Variants in NDUFS4 observed in about 807,000 individuals in gnomAD.
The protein encoded by NDUFS4 is NADH:ubiquinone oxidoreductase subunit S4, also known as NADH dehydrogenase [ubiquinone] iron-sulfur protein 4, mitochondrial.
In NDUFS4, 28 loss-of-function variants were observed where a neutral mutation model predicts 24.3. That is an observed-to-expected ratio of 1.15 (90% confidence interval 0.85 to 1.58). The LOEUF is 1.58. NDUFS4 is among the 40% of genes most tolerant of loss of function. The pLI is 0.00. For synonymous variants in NDUFS4, 93 were observed against 69.7 expected (o/e 1.34, Z -1.67); for missense variants, 223 against 207.9 (o/e 1.07, Z -0.45).
chr5:53,654,498 G>T (rs565472887), intron 3 of NDUFS4, among the ~76,000 whole-genome samples: 41 of 151,968 alleles, frequency 2.7e-4, no homozygotes, highest in Non-Finnish European at 5.2e-4. Flanking sequence ...TAACAAAAGT[G>T]TTTATTAAAA....
intron 2 of NDUFS4, among the ~76,000 whole-genome samples, chr5:53,628,413 A>T (rs905363188): frequency 3.0e-4 from 45 of 152,130 alleles, no homozygotes; most frequent in Admixed American, 7.9e-4. Context: ...GTTAAGGAGG[A>T]GTCCCTCATT....
chr5:53,633,883 T>G (rs898413979), intron 2 of NDUFS4, among the ~76,000 whole-genome samples: 1 of 152,204 alleles, frequency 6.6e-6, no homozygotes, highest in African/African-American at 2.4e-5. Context: ...ACTTCACATT[T>G]ACAAAACTGA....
chr5:53,640,046 T>TTTTGTTTG (rs1479282383), intron 2 of NDUFS4, among the ~76,000 whole-genome samples: 6 of 152,116 alleles, frequency 3.9e-5, no homozygotes, highest in Non-Finnish European at 7.4e-5. Context: ...AGAGTCCATC[T>TTTTGTTTG]AAGTGAACAA....
intron 1 of NDUFS4, among the ~76,000 whole-genome samples, chr5:53,590,711 G>C (rs1439771466): frequency 1.3e-5 from 2 of 152,010 alleles, no homozygotes; most frequent in Non-Finnish European, 2.9e-5. Flanking sequence ...TGTCTTTATT[G>C]GTGTTGTAAA....
chr5:53,600,400 C>T (rs948923992), intron 1 of NDUFS4, among the ~76,000 whole-genome samples: 5 of 151,980 alleles, frequency 3.3e-5, no homozygotes, highest in African/African-American at 1.2e-4. Flanking sequence ...ACCTCTGCCT[C>T]CAGGTTCAAG....
At chr5:53,571,230 AC>A (rs888935902) in intron 1 of NDUFS4, among the ~76,000 whole-genome samples, 1 of 152,176 alleles carries the variant, frequency 6.6e-6, no homozygotes, top group Non-Finnish European at 1.5e-5. Context: ...ATAACGACTA[AC>A]CTTCTTTTTG....
At chr5:53,585,694 A>G (rs1749728367) in intron 1 of NDUFS4, among the ~76,000 whole-genome samples, 1 of 151,914 alleles carries the variant, frequency 6.6e-6, no homozygotes. Context: ...GTGAGCCGAG[A>G]TCGCGCCATT....
intron 4 of NDUFS4, among the ~76,000 whole-genome samples, chr5:53,662,891 G>A (rs1006421707): frequency 6.6e-6 from 1 of 151,976 alleles, no homozygotes; most frequent in Non-Finnish European, 1.5e-5. Context: ...TCTTGCTTCT[G>A]TAGTTCTTTT....
At chr5:53,566,766 C>G (rs777105531) in intron 1 of NDUFS4, among the ~76,000 whole-genome samples, 4 of 151,800 alleles carry the variant, frequency 2.6e-5, no homozygotes, top group African/African-American at 7.3e-5. Flanking sequence ...AACTGTTATC[C>G]TGTATTCTTT....
chr5:53,636,797 A>G (rs975723220), intron 2 of NDUFS4, among the ~76,000 whole-genome samples: 8 of 152,062 alleles, frequency 5.3e-5, no homozygotes. Flanking sequence ...TAAATGAGTT[A>G]TCATGAGATC....
intron 4 of NDUFS4, among the ~76,000 whole-genome samples, chr5:53,677,361 T>A (rs1465033092): frequency 1.3e-5 from 2 of 152,072 alleles, no homozygotes; most frequent in Non-Finnish European, 2.9e-5. Context: ...GTGCCTCATG[T>A]TTTCACCTTA....
intron 2 of NDUFS4, among the ~76,000 whole-genome samples, chr5:53,605,668 C>CA (rs1750475326): frequency 6.6e-6 from 1 of 152,128 alleles, no homozygotes; most frequent in Admixed American, 6.5e-5. Context: ...CCTCAAGTAC[C>CA]AAAATCCGTG....
chr5:53,659,871 A>G (rs1752278295), intron 4 of NDUFS4, among the ~76,000 whole-genome samples: 2 of 152,148 alleles, frequency 1.3e-5, no homozygotes, highest in African/African-American at 4.8e-5. Flanking sequence ...GTATGACTTT[A>G]TACTTCTATT....
In NDUFS4 at chr5:53,679,239, A is replaced by G. The variant is rs78502889; in HGVS notation, c.425-3879A>G. 9.2e-3 allele frequency among the ~76,000 whole-genome samples: 1,405 copies of G among 152,162 alleles called. 16 individuals are homozygous for G. The highest frequency in any genetic ancestry group is 0.032 in the African/African-American group (1,332 of 41,528). ...AGTTGTTTGCCACAGAAAAACGGGAAGATAATAAATTTTTTTTCCCTACAC... is the reference window on the plus strand; with the variant it reads ...AGTTGTTTGCCACAGAAAAACGGGAGGATAATAAATTTTTTTTCCCTACAC... On this transcript the variant is annotated intron_variant, in intron 4 of 4. Coordinates refer to ENST00000296684, the MANE Select transcript of NDUFS4 (RefSeq NM_002495.4).
intron 4 of NDUFS4, among the ~76,000 whole-genome samples, chr5:53,660,200 G>C (rs533523599): frequency 1.5e-5 from 2 of 135,396 alleles, no homozygotes; most frequent in African/African-American, 2.8e-5. Flanking sequence ...TCCTGTGTCC[G>C]TGTGTTCTCA....
chr5:53,608,169 TCTG>T (rs1026807509), intron 2 of NDUFS4, among the ~76,000 whole-genome samples: 44 of 152,330 alleles, frequency 2.9e-4, no homozygotes, highest in African/African-American at 1.0e-3. Context: ...CACACTGAGG[TCTG>T]CTAAGTGTGC....
intron 4 of NDUFS4, among the ~76,000 whole-genome samples, chr5:53,674,758 A>C (rs1263201467): frequency 6.6e-6 from 1 of 152,242 alleles, no homozygotes; most frequent in African/African-American, 2.4e-5. Flanking sequence ...CAATTTGGTT[A>C]ATTGTAAGTT....
At chr5:53,676,742 G>A (rs536985672) in intron 4 of NDUFS4, among the ~76,000 whole-genome samples, 1 of 152,266 alleles carries the variant, frequency 6.6e-6, no homozygotes, top group East Asian at 1.9e-4. Flanking sequence ...TATGTTACGG[G>A]ACTCAAATTT....
intron 1 of NDUFS4, among the ~76,000 whole-genome samples, 199 bp from the exon 2 acceptor site, chr5:53,603,253 A>G (rs1405536480): frequency 6.6e-6 from 1 of 152,110 alleles, no homozygotes; most frequent in East Asian, 1.9e-4. Flanking sequence ...GTGAACTGTC[A>G]AGTGAGTCTG....
Sources: allele counts gnomAD v4.1 joint callset (sites outside exome capture counted in the v4.1 genomes callset), GRCh38; gene constraint gnomAD v4.1.1; transcripts MANE v1.5; gene names NCBI Gene and HGNC (gene_info 2026-07-23, HGNC 2026-07-21).